Variants in ABHD16A observed in about 807,000 individuals in gnomAD.
ABHD16A encodes the protein abhydrolase domain containing 16A, phospholipase, also known as phosphatidylserine lipase ABHD16A.
Under a neutral mutation model 89.8 loss-of-function variants are expected in ABHD16A, and 47 were observed. That is an observed-to-expected ratio of 0.52 (90% CI 0.41 to 0.67). ABHD16A has a LOEUF of 0.67. ABHD16A is among the 30% of genes least tolerant of loss of function. ABHD16A has a pLI of 0.00. For missense variants in ABHD16A, 580 were observed against 734.6 expected (o/e 0.79, Z 2.43); for synonymous variants, 251 against 280.4 (o/e 0.90, Z 1.05).
In ABHD16A at chr6:31,689,005, C is replaced by G. The variant is rs373259819; in HGVS notation, c.1186+10G>C. ...TTCCCAGGAAGGGCAGGCCTGGGAG[C>G]TGCACTCACTCCAGCTGTCTGGCAT... On this transcript the variant is annotated intron_variant, in intron 13 of 19. Transcript: ENST00000395952. 2.5e-6 allele frequency: 4 copies of G among 1,610,682 alleles called. No homozygotes were observed. The highest frequency in any genetic ancestry group is 2.7e-5 in the African/African-American group (2 of 74,986).
intron 7 of ABHD16A, chr6:31,692,688 C>T (rs1562102942): frequency 5.9e-6 from 2 of 337,920 alleles, no homozygotes; most frequent in East Asian, 1.3e-4. Flanking sequence ...AGAGGGGCCA[C>T]GATGGGTACA....
chr6:31,702,639 A>G lies in ABHD16A; in HGVS notation c.133-509T>C, dbSNP rs996466222. ...CCACCCGCCAGCTCTCCAGAATACAATGACTCGGGTCTCCAGGCTAGGTTG... is the reference window on the plus strand; with the variant it reads ...CCACCCGCCAGCTCTCCAGAATACAGTGACTCGGGTCTCCAGGCTAGGTTG... On this transcript the variant is annotated intron_variant, in intron 1 of 19. Coordinates refer to ENST00000395952, the MANE Select transcript of ABHD16A (RefSeq NM_021160.3). 10 of 1,519,984 alleles carry G rather than the reference A, an allele frequency of 6.6e-6. No individual in the cohort carries two copies. In the African/African-American group the frequency reaches 7.1e-5, roughly 11 times the overall value. 94.2% of individuals were successfully genotyped at this position (1,519,984 alleles called of 1,614,324 possible). A position where few individuals can be genotyped will look rare whatever the true frequency, so the allele number is the denominator to read the frequency against.
At position 31,703,136 on chromosome 6, in the gene ABHD16A, G is replaced by A. The variant is rs746482079; in HGVS notation, c.132+14C>T. On this transcript the variant is annotated intron_variant, in intron 1 of 19. Coordinates refer to ENST00000395952, the MANE Select transcript of ABHD16A (RefSeq NM_021160.3). ...ACTGTACCACGTTCTTCGGTGGGGA[G>A]GAACTCGACTCACCCAGGAGCTGGA... 16 of 1,417,328 alleles carry A rather than the reference G, an allele frequency of 1.1e-5. No individual in the cohort carries two copies. The South Asian group carries it at 2.4e-4, about 21-fold the overall frequency. The allele number at this position is 1,417,328 out of a possible 1,614,324, so 87.8% of individuals were successfully genotyped here. A position where few individuals can be genotyped will look rare whatever the true frequency, so the allele number is the denominator to read the frequency against.
In ABHD16A at chr6:31,693,337, AG is replaced by A; in HGVS notation, c.503+21del. On this transcript the variant is annotated intron_variant, in intron 6 of 19. Coordinates refer to ENST00000395952, the MANE Select transcript of ABHD16A (RefSeq NM_021160.3). This position sits in a 1 kb window ranked among gnomAD's most constrained non-coding sequence, Gnocchi z 5.0. ...GGAATGGTTCTAAGGGGAGAGATAC[AG>A]CAAAAGAACTGGGGCCTCACCGGCT... is the stretch of plus-strand genomic sequence containing the variant. 1 of 1,612,752 alleles carries A rather than the reference AG, an allele frequency of 6.2e-7. No homozygotes were observed. The highest frequency in any genetic ancestry group is 8.5e-7 in the Non-Finnish European group (1 of 1,179,718).
chr6:31,691,319 G>A (rs1272121288), intron 9 of ABHD16A: 4 of 464,854 alleles, frequency 8.6e-6, no homozygotes, highest in South Asian at 3.9e-5. Flanking sequence ...ATATATATGA[G>A]AATTAAATAT....
rs1470809054 is a variant in ABHD16A, at chr6:31,690,940, T to C, written c.844-338A>G. Among the ~76,000 whole-genome samples the C allele has an allele frequency of 1.3e-5, 2 of 152,154 alleles. No individual in the cohort carries two copies. The highest frequency in any genetic ancestry group is 2.9e-5 in the Non-Finnish European group (2 of 68,032). ...ATCTTCTGTGACCATTGCTATTGTG[T>C]GGTATGCTGATTGCTCTCCCTATCC... is the stretch of plus-strand genomic sequence containing the variant. On this transcript the variant is annotated intron_variant, in intron 9 of 19. Coordinates refer to ENST00000395952, the MANE Select transcript of ABHD16A (RefSeq NM_021160.3). This position sits in a 1 kb window ranked among gnomAD's most constrained non-coding sequence, Gnocchi z 4.1.
At chr6:31,701,163 G>A (rs62395817) in intron 3 of ABHD16A, 111 bp downstream of exon 3, 46 of 1,344,292 alleles carry the variant, frequency 3.4e-5, no homozygotes, top group Non-Finnish European at 4.5e-5. Context: ...ATGCCTGATG[G>A]AAGAGGGAAG....
rs1352477758 is a variant in ABHD16A at position 31,689,226 on chromosome 6, T to C, written c.1082-107A>G. On this transcript the variant is annotated intron_variant, in intron 12 of 19. Coordinates refer to ENST00000395952, the MANE Select transcript of ABHD16A (RefSeq NM_021160.3). ...CTATAGGCCAACCCCATTCCCCCTA[T>C]GTTATCCCTTGTTTTTTTCTTAACC... 7 of 993,906 alleles carry C rather than the reference T, an allele frequency of 7.0e-6. No homozygotes were observed. The African/African-American group carries it at 8.2e-5, about 12-fold the overall frequency. 61.6% of individuals were successfully genotyped at this position (993,906 alleles called of 1,614,324 possible).
intron 7 of ABHD16A, chr6:31,692,745 A>ACCCCCCCC: frequency 1.9e-5 from 2 of 107,214 alleles, no homozygotes; most frequent in South Asian, 2.4e-4. Context: ...TGTCCTCCCC[A>ACCCCCCCC]CCCCCACCCC....
Position 31,688,021 on chromosome 6 carries a change from G to A in ABHD16A, c.1370+20C>T, listed in dbSNP as rs777983993. 1.2e-5 allele frequency: 20 copies of A among 1,611,302 alleles called. No individual in the cohort carries two copies. The highest frequency in any genetic ancestry group is 4.4e-5 in the South Asian group (4 of 90,930). On this transcript the variant is annotated intron_variant, in intron 16 of 19. Transcript: ENST00000395952. The surrounding 1 kb of genome is among the most constrained non-coding windows in gnomAD (Gnocchi z 4.9). ...TGTGTGTGTACACTGCCCCCAGCGCGCACACACCCTGGCTCTCACCGATGC... is the reference window on the plus strand; with the variant it reads ...TGTGTGTGTACACTGCCCCCAGCGCACACACACCCTGGCTCTCACCGATGC...
In ABHD16A at chr6:31,696,872, G is replaced by C. The variant is rs371992257; in HGVS notation, c.429+76C>G. ...ACACCTCCTCTTCCTGCAGAAGCCA[G>C]TGTCTGGTGCTCTGAGGGACAACTG... On this transcript the variant is annotated intron_variant, in intron 5 of 19. Coordinates refer to ENST00000395952, the MANE Select transcript of ABHD16A (RefSeq NM_021160.3). 20 of 1,397,510 alleles carry C rather than the reference G, an allele frequency of 1.4e-5. No homozygotes were observed. In the African/African-American group the frequency reaches 2.7e-4, roughly 19 times the overall value. 86.6% of individuals were successfully genotyped at this position (1,397,510 alleles called of 1,614,324 possible). A position where few individuals can be genotyped will look rare whatever the true frequency, so the allele number is the denominator to read the frequency against.
In ABHD16A at chr6:31,697,033, C is replaced by T; in HGVS notation, c.344G>A (p.Gly115Asp). 4 of 1,612,426 alleles carry T rather than the reference C, an allele frequency of 2.5e-6. No individual in the cohort carries two copies. Among genetic ancestry groups the T allele is most frequent in the Non-Finnish European group, 3.4e-6 (4 of 1,179,566 alleles). The change falls in exon 5 of 20, where the codon GGC (glycine) becomes GAC (aspartate). Residue 115 changes from glycine to aspartate, a missense_variant and splice_region_variant. Around this residue, in one of 2 missense-constraint regions of ABHD16A, gnomAD observed 165 missense variants for 165.8 expected, o/e 1.00. Transcript: ENST00000395952. ...CTGGGGGTTGGTCCAGCGGCCAATG[C>T]CTGGTAGAAAAAGGACAGGAAACAG... ...LLLAGVACLR[G>D]IGRWTNPQYR... is the part of the protein sequence containing the mutation.
Position 31,701,256 on chromosome 6 carries a change from C to T in ABHD16A, c.256+18G>A. On this transcript the variant is annotated intron_variant, in intron 3 of 19. Transcript: ENST00000395952. Reference sequence around the variant, plus strand: ...ACCTGCCCATTTGCTACCCCACCACCTTTGAAACCACACTGACCTTTCCTG... The same window carrying T: ...ACCTGCCCATTTGCTACCCCACCACTTTTGAAACCACACTGACCTTTCCTG... The T allele has an allele frequency of 1.2e-6, 2 of 1,609,028 alleles. No individual in the cohort carries two copies. The highest frequency in any genetic ancestry group is 1.3e-5 in the African/African-American group (1 of 74,820).
At chr6:31,692,976 CT>C (rs1804041334) in intron 7 of ABHD16A, 50 bp downstream of exon 7, 1 of 1,613,968 alleles carries the variant, frequency 6.2e-7, no homozygotes, top group African/African-American at 1.3e-5. Context: ...CAGAGCACTC[CT>C]GAAATGGCCC....
intron 8 of ABHD16A, 45 bp downstream of exon 8, chr6:31,691,759 T>C (rs1382198525): frequency 1.9e-6 from 3 of 1,541,600 alleles, no homozygotes; most frequent in Non-Finnish European, 2.6e-6. Flanking sequence ...TGGGTGGGGG[T>C]GAGAGGGGAG....
Position 31,689,129 on chromosome 6 carries a change from G to A in ABHD16A, c.1082-10C>T. 1 of 1,611,182 alleles carries A rather than the reference G, an allele frequency of 6.2e-7. No homozygotes were observed. The highest frequency in any genetic ancestry group is 8.5e-7 in the Non-Finnish European group (1 of 1,178,198). On this transcript the variant is annotated splice_polypyrimidine_tract_variant and intron_variant, in intron 12 of 19. Coordinates refer to ENST00000395952, the MANE Select transcript of ABHD16A (RefSeq NM_021160.3). Reference sequence around the variant, plus strand: ...ATGGCTGCCCACGTGGCTGGTACCAGGGCAGGGAAGAAGAGTAAGAACTGA... The same window carrying A: ...ATGGCTGCCCACGTGGCTGGTACCAAGGCAGGGAAGAAGAGTAAGAACTGA...
rs765044405 is a variant in ABHD16A at position 31,703,295 on chromosome 6, G to T, written c.-14C>A. The T allele has an allele frequency of 3.0e-6, 4 of 1,342,536 alleles. No individual in the cohort carries two copies. Among genetic ancestry groups the T allele is most frequent in the Non-Finnish European group, 3.9e-6 (4 of 1,035,246 alleles). The allele number at this position is 1,342,536 out of a possible 1,614,324, so 83.2% of individuals were successfully genotyped here. The stretch of plus-strand genomic sequence containing the variant: ...CAGCTTCGCCATGGCCCCGGCTCGG[G>T]CCGCTGCTCTTCCAGCAGCAGGTCC... On this transcript the variant is annotated 5_prime_UTR_variant, in exon 1 of 20. Transcript: ENST00000395952.
Position 31,693,013 on chromosome 6 carries a change from C to A in ABHD16A, c.626+14G>T. ...CTCCACCCCAGTGGGCCTCTCCTCG[C>A]TGCTGTTTCCCACCTGGTGATCTGA... On this transcript the variant is annotated intron_variant, in intron 7 of 19. Transcript: ENST00000395952. The surrounding 1 kb of genome is among the most constrained non-coding windows in gnomAD (Gnocchi z 5.0). 1 of 1,614,244 alleles carries A rather than the reference C, an allele frequency of 6.2e-7. No individual in the cohort carries two copies. Among genetic ancestry groups the A allele is most frequent in the South Asian group, 1.1e-5 (1 of 91,090 alleles).
Position 31,688,722 on chromosome 6 carries a change from C to T in ABHD16A, c.1250+1G>A. 2 of 1,612,966 alleles carry T rather than the reference C, an allele frequency of 1.2e-6. No homozygotes were observed. The highest frequency in any genetic ancestry group is 8.5e-7 in the Non-Finnish European group (1 of 1,179,978). ...AATGCCGGACGCTGGCCGGCCCTCACCTGCACAGCTGCTCCGCGTTGTTTA... is the reference window on the plus strand; with the variant it reads ...AATGCCGGACGCTGGCCGGCCCTCATCTGCACAGCTGCTCCGCGTTGTTTA... On this transcript the variant is annotated splice_donor_variant, in intron 14 of 19. Coordinates refer to ENST00000395952, the MANE Select transcript of ABHD16A (RefSeq NM_021160.3). LOFTEE classifies it high-confidence loss of function. The surrounding 1 kb of genome is among the most constrained non-coding windows in gnomAD (Gnocchi z 4.9).
Sources: allele counts gnomAD v4.1 joint callset (sites outside exome capture counted in the v4.1 genomes callset), GRCh38; gene constraint gnomAD v4.1.1; regional missense constraint gnomAD v4.1.1; non-coding constraint Gnocchi (gnomAD v3.1); transcripts MANE v1.5; gene names NCBI Gene and HGNC (gene_info 2026-07-23, HGNC 2026-07-21).